The following TRIQK variants were observed in gnomAD, a reference collection of about 807,000 sequenced individuals.
TRIQK encodes the protein triple QxxK/R motif containing, also known as triple QxxK/R motif-containing protein.
Under a neutral mutation model 10.8 loss-of-function variants are expected in TRIQK, and 10 were observed. The observed-to-expected ratio is 0.92, with a 90% CI of 0.57 to 1.57. The LOEUF is 1.57. TRIQK is among the 40% of genes most tolerant of loss of function. The pLI is 0.00. For missense variants in TRIQK, 107 were observed against 97.7 expected, an observed-to-expected ratio of 1.09 and a Z score of -0.40; for synonymous variants, 33 against 33.7, an observed-to-expected ratio of 0.98 and a Z score of 0.07.
chr8:93,003,078 C>A (rs988984342), intron 1 of TRIQK, among the ~76,000 whole-genome samples: 1 of 152,070 alleles, frequency 6.6e-6, no homozygotes, highest in Non-Finnish European at 1.5e-5. Flanking sequence ...AAATCCTCAA[C>A]AAAATACTAG....
intron 3 of TRIQK, among the ~76,000 whole-genome samples, chr8:92,898,170 T>A (rs1296723328): frequency 2.6e-5 from 4 of 152,118 alleles, no homozygotes; most frequent in African/African-American, 9.7e-5. Context: ...GAGAAAGGGC[T>A]CTTCACACAG....
At chr8:92,917,862 C>T (rs1809951719) in intron 2 of TRIQK, among the ~76,000 whole-genome samples, 1 of 151,942 alleles carries the variant, frequency 6.6e-6, no homozygotes, top group Non-Finnish European at 1.5e-5. Flanking sequence ...TATCCCTTAA[C>T]CAACTTCTCT....
intron 1 of TRIQK, among the ~76,000 whole-genome samples, chr8:92,992,338 G>T (rs1813104214): frequency 6.6e-6 from 1 of 152,178 alleles, no homozygotes; most frequent in Non-Finnish European, 1.5e-5. Flanking sequence ...TGCCTCTGAG[G>T]ACAGGGGAGG....
At chr8:92,941,960 G>T (rs1217965871) in intron 2 of TRIQK, among the ~76,000 whole-genome samples, 2 of 152,240 alleles carry the variant, frequency 1.3e-5, no homozygotes, top group East Asian at 3.9e-4. Context: ...GAAAATCCCA[G>T]GGCATGATAG....
chr8:92,912,972 T>C (rs1809645837), intron 3 of TRIQK, among the ~76,000 whole-genome samples: 1 of 151,986 alleles, frequency 6.6e-6, no homozygotes. Flanking sequence ...CTAGCCAGCA[T>C]TACCTTGATT....
chr8:92,959,460 C>T (rs937408732), intron 1 of TRIQK, among the ~76,000 whole-genome samples: 1 of 145,974 alleles, frequency 6.9e-6, no homozygotes, highest in East Asian at 2.0e-4. Context: ...CTGGGGTATA[C>T]CATCAGTTAT....
upstream of TRIQK, among the ~76,000 whole-genome samples, chr8:92,970,688 G>A (rs61117206): frequency 6.6e-6 from 1 of 151,944 alleles, no homozygotes; most frequent in Non-Finnish European, 1.5e-5. Context: ...CCTGTAGATT[G>A]TAGATATTAG....
At chr8:92,933,528 C>G (rs1305573232) in intron 2 of TRIQK, among the ~76,000 whole-genome samples, 10 of 151,988 alleles carry the variant, frequency 6.6e-5, no homozygotes, top group Non-Finnish European at 2.9e-5. Context: ...TTAAACCAAC[C>G]ACACCTACTG....
chr8:92,900,822 G>T (rs1291874044), intron 3 of TRIQK, among the ~76,000 whole-genome samples: 3 of 151,950 alleles, frequency 2.0e-5, no homozygotes, highest in African/African-American at 7.2e-5. Context: ...TTTATAGTTT[G>T]CTCTGGGTAG....
At chr8:92,937,315 T>C (rs959372279) in intron 2 of TRIQK, among the ~76,000 whole-genome samples, 2 of 150,826 alleles carry the variant, frequency 1.3e-5, no homozygotes, top group African/African-American at 4.9e-5. Flanking sequence ...CACACACACA[T>C]GCACCCAAAT....
chr8:92,950,926 C>T (rs1404365088), intron 2 of TRIQK, among the ~76,000 whole-genome samples: 1 of 152,022 alleles, frequency 6.6e-6, no homozygotes, highest in Non-Finnish European at 1.5e-5. Context: ...TTCCAGGACT[C>T]CTGTGGAAAC....
intron 1 of TRIQK, among the ~76,000 whole-genome samples, chr8:93,016,406 T>C (rs189770584): frequency 6.6e-6 from 1 of 152,338 alleles, no homozygotes; most frequent in East Asian, 1.9e-4. Flanking sequence ...GAATATAAGA[T>C]GCACATTTGG....
At chr8:92,898,733 G>C (rs1188015388) in intron 3 of TRIQK, among the ~76,000 whole-genome samples, 7 of 150,540 alleles carry the variant, frequency 4.6e-5, no homozygotes, top group South Asian at 4.2e-4. Context: ...CTGCTTAAAA[G>C]CTCAGTGTTG....
At chr8:92,968,604 GAA>G (rs1812840848), upstream of TRIQK, among the ~76,000 whole-genome samples, 1 of 152,130 alleles carries the variant, frequency 6.6e-6, no homozygotes, top group Admixed American at 6.5e-5. Flanking sequence ...GTATTCTTTT[GAA>G]AAGTGTCTGT....
At chr8:92,887,054 C>A (rs1816521851) in intron 4 of TRIQK, 1 of 171,020 alleles carries the variant, frequency 5.8e-6, no homozygotes, top group Non-Finnish European at 1.2e-5. Flanking sequence ...ATGTTCGATA[C>A]AAGCAATGCA....
chr8:92,948,361 T>C (rs1297609764), intron 2 of TRIQK, among the ~76,000 whole-genome samples: 1 of 152,186 alleles, frequency 6.6e-6, no homozygotes, highest in Middle Eastern at 3.2e-3. Flanking sequence ...CAGTAATGGT[T>C]AACAACATTT....
At chr8:92,913,210 T>A (rs898675911) in intron 3 of TRIQK, among the ~76,000 whole-genome samples, 4 of 152,036 alleles carry the variant, frequency 2.6e-5, no homozygotes, top group Non-Finnish European at 4.4e-5. Flanking sequence ...AAAAATCACA[T>A]GATGATCTCA....
chr8:92,988,007 T>C (rs1212067749), intron 1 of TRIQK, among the ~76,000 whole-genome samples: 1 of 130,326 alleles, frequency 7.7e-6, no homozygotes, highest in African/African-American at 2.9e-5. Flanking sequence ...TTTCTTTTTT[T>C]TTTTTTTTTT....
At chr8:92,975,247 C>G (rs1803860719) in intron 1 of TRIQK, among the ~76,000 whole-genome samples, 1 of 152,192 alleles carries the variant, frequency 6.6e-6, no homozygotes, top group South Asian at 2.1e-4. Flanking sequence ...TCTTCATTGT[C>G]TAGAAGAATT....
Sources: gnomAD v4.1 joint callset for allele counts (sites outside exome capture counted in the v4.1 genomes callset) on GRCh38, gnomAD v4.1.1 for gene constraint, MANE v1.5 for transcripts, NCBI Gene and HGNC (gene_info 2026-07-23, HGNC 2026-07-21) for gene names.